The following FAR2 variants were observed in gnomAD, a reference collection of about 807,000 sequenced individuals.
FAR2 encodes the protein fatty acyl-CoA reductase 2.
FAR2 carries 19 observed loss-of-function variants against 56.0 expected under a neutral mutation model. The ratio of observed to expected loss-of-function variants is 0.34; its 90% confidence interval spans 0.24 to 0.50. The LOEUF (loss-of-function observed/expected upper bound fraction) is 0.50, where lower values mean the gene tolerates loss of function less well. FAR2 is among the 20% of genes least tolerant of loss of function. The pLI is 0.98. For synonymous variants in FAR2, 219 were observed against 218.8 expected (o/e 1.00, Z -0.01); for missense variants, 508 against 642.2 (o/e 0.79, Z 2.26).
chr12:29,306,702 A>T (rs1949258570), intron 4 of FAR2, among the ~76,000 whole-genome samples: 1 of 152,202 alleles, frequency 6.6e-6, no homozygotes, highest in Non-Finnish European at 1.5e-5. Flanking sequence ...AGAGGTGTAG[A>T]TAGACTTTGG....
intron 1 of FAR2, chr12:29,151,272 G>A (rs541139182): frequency 5.6e-4 from 86 of 152,330 alleles, no homozygotes; most frequent in African/African-American, 1.9e-3. Context: ...GACATTGTAG[G>A]CTCTGTTGGA....
At chr12:29,282,115 C>T (rs1948795269) in intron 2 of FAR2, 1 of 152,084 alleles carries the variant, frequency 6.6e-6, no homozygotes, top group African/African-American at 2.4e-5. Context: ...ACCTTTACCC[C>T]CTCCCCCATA....
chr12:29,196,539 T>G (rs899016639), intron 1 of FAR2, among the ~76,000 whole-genome samples: 1 of 152,096 alleles, frequency 6.6e-6, no homozygotes, highest in Non-Finnish European at 1.5e-5. Context: ...TGGAGTTGGT[T>G]CCAGGAAAAT....
At chr12:29,154,491 G>A (rs1055540837) in intron 1 of FAR2, among the ~76,000 whole-genome samples, 4 of 151,750 alleles carry the variant, frequency 2.6e-5, no homozygotes, top group Non-Finnish European at 2.9e-5. Flanking sequence ...CTGGAGTGCA[G>A]TGGTGTGATC....
chr12:29,315,758 T>G (rs1949438219), intron 8 of FAR2, among the ~76,000 whole-genome samples: 2 of 152,160 alleles, frequency 1.3e-5, no homozygotes, highest in South Asian at 4.1e-4. Flanking sequence ...ACCATTTGGT[T>G]AGAGGTAGAA....
At chr12:29,218,938 C>T (rs1210738618) in intron 1 of FAR2, among the ~76,000 whole-genome samples, 1 of 152,080 alleles carries the variant, frequency 6.6e-6, no homozygotes, top group Non-Finnish European at 1.5e-5. Context: ...GTCGCCCAGG[C>T]TGGAGTGCAG....
At chr12:29,196,630 C>G (rs545089721) in intron 1 of FAR2, among the ~76,000 whole-genome samples, 1 of 152,072 alleles carries the variant, frequency 6.6e-6, no homozygotes, top group Non-Finnish European at 1.5e-5. Flanking sequence ...GGATTAAAGA[C>G]CTACATGTAA....
intron 1 of FAR2, among the ~76,000 whole-genome samples, chr12:29,217,978 A>C (rs1947641999): frequency 1.4e-5 from 2 of 145,998 alleles, no homozygotes; most frequent in African/African-American, 2.7e-5. Flanking sequence ...CTGAAGAAGA[A>C]GACAAAGAGG....
intron 1 of FAR2, among the ~76,000 whole-genome samples, chr12:29,182,590 C>A (rs1565684374): frequency 6.6e-6 from 1 of 152,212 alleles, no homozygotes; most frequent in Non-Finnish European, 1.5e-5. Flanking sequence ...CAAGTCCCCA[C>A]CCAACCCAGA....
intron 1 of FAR2, among the ~76,000 whole-genome samples, chr12:29,185,301 A>C (rs1413699944): frequency 6.6e-6 from 1 of 152,236 alleles, no homozygotes; most frequent in Non-Finnish European, 1.5e-5. Flanking sequence ...CTAGAAAACT[A>C]TCCTGTCCTC....
At chr12:29,237,412 G>C (rs1284195919) in intron 1 of FAR2, among the ~76,000 whole-genome samples, 3 of 152,154 alleles carry the variant, frequency 2.0e-5, no homozygotes, top group Non-Finnish European at 4.4e-5. Context: ...GGCACTCAGA[G>C]TTAAAAAAGC....
At chr12:29,281,213 C>G (rs570114556) in intron 2 of FAR2, 1 of 151,932 alleles carries the variant, frequency 6.6e-6, no homozygotes, top group Admixed American at 6.5e-5. Flanking sequence ...CATTGTAGAA[C>G]AGCGAAGTTG....
At chr12:29,298,450 T>C (rs1280190218) in intron 4 of FAR2, among the ~76,000 whole-genome samples, 2 of 152,150 alleles carry the variant, frequency 1.3e-5, no homozygotes, top group Non-Finnish European at 2.9e-5. Context: ...GTTCATTACC[T>C]TCAGGGCAAA....
At chr12:29,267,043 A>G (rs964101074) in intron 1 of FAR2, among the ~76,000 whole-genome samples, 2 of 152,210 alleles carry the variant, frequency 1.3e-5, no homozygotes, top group Non-Finnish European at 2.9e-5. Context: ...ACATTTATTT[A>G]TGCCTAATAT....
chr12:29,207,134 C>T (rs1283056398), intron 1 of FAR2, among the ~76,000 whole-genome samples: 1 of 152,218 alleles, frequency 6.6e-6, no homozygotes, highest in Middle Eastern at 3.4e-3. Context: ...AATTTGGAAA[C>T]GTATTTGACA....
chr12:29,327,133 T>C (rs1949662573), intron 10 of FAR2, among the ~76,000 whole-genome samples: 1 of 152,164 alleles, frequency 6.6e-6, no homozygotes, highest in African/African-American at 2.4e-5. Context: ...AGCCAAATCA[T>C]GAGTAAACAC....
At chr12:29,167,705 A>C (rs1160213839) in intron 1 of FAR2, among the ~76,000 whole-genome samples, 1 of 152,254 alleles carries the variant, frequency 6.6e-6, no homozygotes, top group African/African-American at 2.4e-5. Context: ...CGGAGTTGTC[A>C]TATAAATACT....
intron 1 of FAR2, among the ~76,000 whole-genome samples, chr12:29,192,008 G>A (rs748332991): frequency 1.6e-4 from 25 of 152,206 alleles, no homozygotes; most frequent in Non-Finnish European, 3.1e-4. Context: ...TCAGTTGCCT[G>A]ACTATTTGTA....
chr12:29,280,560 C>T (rs1186791968), intron 2 of FAR2: 4 of 152,198 alleles, frequency 2.6e-5, no homozygotes, highest in Admixed American at 2.6e-4. Context: ...ATGAGTTGTA[C>T]TAATGTGGGT....
Sources: gnomAD v4.1 joint callset for allele counts (sites outside exome capture counted in the v4.1 genomes callset) on GRCh38, gnomAD v4.1.1 for gene constraint, MANE v1.5 for transcripts, NCBI Gene and HGNC (gene_info 2026-07-23, HGNC 2026-07-21) for gene names.